SERINC3: variants seen among roughly 807,000 people sequenced by gnomAD.
SERINC3 encodes the protein serine incorporator 3.
Under a neutral mutation model 52.1 loss-of-function variants are expected in SERINC3, and 22 were observed. That is an observed-to-expected ratio of 0.42 (90% confidence interval 0.30 to 0.60). SERINC3 has a LOEUF of 0.60. SERINC3 is among the 20% of genes least tolerant of loss of function. The pLI, the probability that SERINC3 is intolerant of heterozygous loss-of-function variation, is 0.16. For missense variants in SERINC3, 564 were observed against 584.6 expected (o/e 0.96, Z 0.36); for synonymous variants, 226 against 212.7 (o/e 1.06, Z -0.54).
chr20:44,502,325 G>A (rs760969430), intron 8 of SERINC3, among the ~76,000 whole-genome samples: 8 of 152,168 alleles, frequency 5.3e-5, no homozygotes, highest in African/African-American at 9.7e-5. Context: ...GGTGGCTCAC[G>A]CCTATAATCC....
At position 44,501,144 on chromosome 20, in the gene SERINC3, G is replaced by A. The variant is rs2064277147; in HGVS notation, c.1212C>T (p.Ser404=). The change falls in exon 9 of 10, where the codon AGC becomes AGT. Residue 404 remains serine, a synonymous_variant. Transcript: ENST00000342374. ...VDNEKEGVQY[S]YSLFHLMLCL... ...AGAGCATGAGGTGGAATAAGGAGTA[G>A]CTATACTGCACTCCCTCTTTCTCGT... 1 of 1,614,082 alleles carries A rather than the reference G, an allele frequency of 6.2e-7. No individual in the cohort carries two copies. Among genetic ancestry groups the A allele is most frequent in the Non-Finnish European group, 8.5e-7 (1 of 1,179,970 alleles).
Position 44,516,042 on chromosome 20 carries a change from G to A in SERINC3, c.40-2002C>T, listed in dbSNP as rs142874959. On this transcript the variant is annotated intron_variant, in intron 1 of 9. Transcript: ENST00000342374. ...CCTAGGGCCAGGCGTGGTGGCTCAC[G>A]CCTGTAATCCCAGCACTTTGGGAGG... Among the ~76,000 whole-genome samples the A allele has an allele frequency of 4.1e-3, 626 of 152,112 alleles. 1 individual carries two copies. Among genetic ancestry groups the A allele is most frequent in the Non-Finnish European group, 6.9e-3 (466 of 67,984 alleles).
intron 1 of SERINC3, among the ~76,000 whole-genome samples, chr20:44,515,316 T>G (rs1300017117): frequency 6.6e-6 from 1 of 152,172 alleles, no homozygotes; most frequent in Non-Finnish European, 1.5e-5. Context: ...ATCATGCCAC[T>G]GCACTCCAGC....
At chr20:44,505,759 C>T in intron 6 of SERINC3, among the ~76,000 whole-genome samples, 1 of 151,642 alleles carries the variant, frequency 6.6e-6, no homozygotes, top group South Asian at 2.1e-4. Flanking sequence ...CGCCCCCACG[C>T]CTAGCTAATT....
rs1271770729 is a variant in SERINC3, at chr20:44,507,054, C to T, written c.614-58G>A. 2.3e-6 allele frequency: 3 copies of T among 1,302,706 alleles called. No individual in the cohort carries two copies. In the Admixed American group the frequency reaches 8.1e-5, roughly 35 times the overall value. 80.7% of individuals were successfully genotyped at this position (1,302,706 alleles called of 1,614,324 possible). Reference sequence around the variant, plus strand: ...AACTATAATAAACTAATAATGAAGGCCAATTTTCTTCCACTCCATATAAAA... The same window carrying T: ...AACTATAATAAACTAATAATGAAGGTCAATTTTCTTCCACTCCATATAAAA... On this transcript the variant is annotated intron_variant, in intron 5 of 9. Transcript: ENST00000342374.
intron 5 of SERINC3, among the ~76,000 whole-genome samples, chr20:44,507,444 C>G (rs535043525): frequency 6.6e-6 from 1 of 152,352 alleles, no homozygotes; most frequent in South Asian, 2.1e-4. Context: ...GTTTTTTCCT[C>G]TGCAGCCATT....
intron 2 of SERINC3, among the ~76,000 whole-genome samples, 154 bp downstream of exon 2, chr20:44,513,725 G>A (rs990682879): frequency 2.0e-5 from 3 of 152,114 alleles, no homozygotes; most frequent in Non-Finnish European, 2.9e-5. Context: ...AAGGACTAAT[G>A]TCCTCATATT....
chr20:44,520,583 T>C (rs2064409911), intron 1 of SERINC3, among the ~76,000 whole-genome samples: 1 of 151,866 alleles, frequency 6.6e-6, no homozygotes, highest in African/African-American at 2.4e-5. Context: ...ATGGCAACAA[T>C]AAACACTGGA....
intron 1 of SERINC3, among the ~76,000 whole-genome samples, chr20:44,515,930 C>A (rs1042970634): frequency 7.2e-5 from 11 of 152,058 alleles, no homozygotes; most frequent in African/African-American, 2.7e-4. Flanking sequence ...TGCTGGATTA[C>A]AGGCGTGAGA....
At chr20:44,509,301 GA>G (rs1182636901) in intron 5 of SERINC3, among the ~76,000 whole-genome samples, 1 of 152,082 alleles carries the variant, frequency 6.6e-6, no homozygotes, top group African/African-American at 2.4e-5. Context: ...CCCATATGTT[GA>G]ACCCATCTGA....
At chr20:44,521,614 T>G (rs1023933087) in intron 1 of SERINC3, among the ~76,000 whole-genome samples, 2 of 152,182 alleles carry the variant, frequency 1.3e-5, no homozygotes, top group Non-Finnish European at 1.5e-5. Context: ...GAGCTGTCAT[T>G]CCTTGGTCCC....
intron 1 of SERINC3, among the ~76,000 whole-genome samples, chr20:44,520,031 G>A: frequency 6.6e-6 from 1 of 152,258 alleles, no homozygotes; most frequent in Non-Finnish European, 1.5e-5. Context: ...GACCCTCCAA[G>A]GAGGGGCTGA....
chr20:44,505,651 T>C (rs990322282), intron 6 of SERINC3, among the ~76,000 whole-genome samples: 1 of 151,100 alleles, frequency 6.6e-6, no homozygotes, highest in Non-Finnish European at 1.5e-5. Flanking sequence ...CAGGCTGGAG[T>C]GCAATGGCGC....
chr20:44,500,067 T>C lies in SERINC3; in HGVS notation c.*229A>G. ...GCTGTAGTTCACTTTAAACAAAAAA[T>C]GTTCCCTTTGTGCTATATCCTTAGA... is the stretch of plus-strand genomic sequence containing the variant. On this transcript the variant is annotated 3_prime_UTR_variant, in exon 10 of 10. Transcript: ENST00000342374. 1 of 422,658 alleles carries C rather than the reference T, an allele frequency of 2.4e-6. No individual in the cohort carries two copies. Among genetic ancestry groups the C allele is most frequent in the Non-Finnish European group, 4.1e-6 (1 of 242,676 alleles). 26.2% of individuals were successfully genotyped at this position (422,658 alleles called of 1,614,324 possible).
chr20:44,508,080 A>C (rs1319359918), intron 5 of SERINC3, among the ~76,000 whole-genome samples: 1 of 152,244 alleles, frequency 6.6e-6, no homozygotes, highest in East Asian at 1.9e-4. Flanking sequence ...TAGCACACTT[A>C]ATGTTTTCAC....
intron 4 of SERINC3, 123 bp from the exon 5 acceptor site, chr20:44,510,151 GT>G (rs2064338277): frequency 1.1e-6 from 1 of 879,124 alleles, no homozygotes; most frequent in African/African-American, 1.7e-5. Context: ...GTCTCCAGCA[GT>G]ACAGCAAGAT....
At chr20:44,496,518 G>A (rs1320869547), downstream of SERINC3, among the ~76,000 whole-genome samples, 1 of 152,204 alleles carries the variant, frequency 6.6e-6, no homozygotes, top group African/African-American at 2.4e-5. Context: ...AAACAGCCAG[G>A]TGCAGTGGCT....
chr20:44,505,872 T>G (rs1221548728), intron 6 of SERINC3, among the ~76,000 whole-genome samples: 2 of 152,232 alleles, frequency 1.3e-5, no homozygotes, highest in Non-Finnish European at 2.9e-5. Context: ...AGTGCTGGGA[T>G]TACAGGCGTT....
intron 5 of SERINC3, 98 bp downstream of exon 5, chr20:44,509,793 C>A: frequency 7.5e-7 from 1 of 1,330,372 alleles, no homozygotes; most frequent in Non-Finnish European, 1.1e-6. Flanking sequence ...GACTTCTGTC[C>A]CTGAGGACTA....
Sources: allele counts gnomAD v4.1 joint callset (sites outside exome capture counted in the v4.1 genomes callset), GRCh38; gene constraint gnomAD v4.1.1; transcripts MANE v1.5; gene names NCBI Gene and HGNC (gene_info 2026-07-23, HGNC 2026-07-21).